The following SHISAL2B variants were observed in gnomAD, a reference collection of about 807,000 sequenced individuals.
SHISAL2B encodes the protein protein shisa-like-2B.
In SHISAL2B, 12 loss-of-function variants were observed where a neutral mutation model predicts 16.5. The ratio of observed to expected loss-of-function variants is 0.73; its 90% CI spans 0.47 to 1.18. SHISAL2B has a LOEUF of 1.18. SHISAL2B is among the 50% of genes most tolerant of loss of function. The pLI is 0.00. For missense variants in SHISAL2B, 183 were observed against 193.6 expected (o/e 0.95, Z 0.33); for synonymous variants, 72 against 75.0 (o/e 0.96, Z 0.21).
chr5:64,693,106 C>T (rs889119879), intron 1 of SHISAL2B, among the ~76,000 whole-genome samples: 3 of 151,834 alleles, frequency 2.0e-5, no homozygotes, highest in Non-Finnish European at 4.4e-5. Flanking sequence ...CTTCCGGGTT[C>T]ACGCCATTCT....
At chr5:64,697,717 A>G (rs1237767309) in intron 2 of SHISAL2B, among the ~76,000 whole-genome samples, 1 of 152,200 alleles carries the variant, frequency 6.6e-6, no homozygotes, top group Non-Finnish European at 1.5e-5. Flanking sequence ...ATTTAGAATG[A>G]CACACAAGTG....
At chr5:64,692,334 C>T (rs562186231) in intron 1 of SHISAL2B, among the ~76,000 whole-genome samples, 1 of 152,258 alleles carries the variant, frequency 6.6e-6, no homozygotes, top group East Asian at 1.9e-4. Flanking sequence ...ATAAAACCTT[C>T]CTAAGATGTA....
rs780650439 is a variant in SHISAL2B, at chr5:64,717,988, CAATG to C, written c.450_453del (p.Asp152GlnfsTer10). The C allele has an allele frequency of 1.3e-6, 2 of 1,520,448 alleles. No individual in the cohort carries two copies. The highest frequency in any genetic ancestry group is 1.7e-6 in the Non-Finnish European group (2 of 1,143,208). The allele number at this position is 1,520,448 out of a possible 1,614,324, so 94.2% of individuals were successfully genotyped here. On this transcript the variant is annotated frameshift_variant, in exon 3 of 3. Transcript: ENST00000389074. LOFTEE classifies it high-confidence loss of function. ...GCTGATGATATAATTCAAGAAAAAA[CAATG>C]GATGCAACACAAATCCACATTGCTT... is the stretch of plus-strand genomic sequence containing the variant.
At chr5:64,715,477 A>G (rs1233862098) in intron 2 of SHISAL2B, among the ~76,000 whole-genome samples, 1 of 152,054 alleles carries the variant, frequency 6.6e-6, no homozygotes, top group African/African-American at 2.4e-5. Context: ...AATTAGAGAC[A>G]CTAGGCAGCT....
chr5:64,710,312 G>C (rs1741940729), intron 2 of SHISAL2B, among the ~76,000 whole-genome samples: 1 of 107,892 alleles, frequency 9.3e-6, no homozygotes, highest in Non-Finnish European at 1.8e-5. Flanking sequence ...CCCATTGCTT[G>C]TTTTTCTCAG....
intron 2 of SHISAL2B, among the ~76,000 whole-genome samples, chr5:64,696,556 T>G (rs1741738863): frequency 6.6e-6 from 1 of 152,116 alleles, no homozygotes; most frequent in Non-Finnish European, 1.5e-5. Flanking sequence ...TATTAATAAT[T>G]AAGACCCTGG....
At position 64,697,047 on chromosome 5, in the gene SHISAL2B, C is replaced by T. The variant is rs557007807; in HGVS notation, c.349+1383C>T. Among the ~76,000 whole-genome samples the T allele has an allele frequency of 3.3e-5, 5 of 152,292 alleles. No individual in the cohort carries two copies. The South Asian group carries it at 6.2e-4, about 19-fold the overall frequency. ...ACCATCCTACTGATATGTGATGTCA[C>T]CCCTGGAGGCCCAGCTGTAAAATTC... On this transcript the variant is annotated intron_variant, in intron 2 of 2. Coordinates refer to ENST00000389074, the MANE Select transcript of SHISAL2B (RefSeq NM_001164442.2).
chr5:64,695,655 A>T lies in SHISAL2B; in HGVS notation c.340A>T (p.Thr114Ser). The T allele has an allele frequency of 6.5e-7, 1 of 1,527,490 alleles. No homozygotes were observed. The highest frequency in any genetic ancestry group is 1.2e-5 in the South Asian group (1 of 82,006). The allele number at this position is 1,527,490 out of a possible 1,614,324, so 94.6% of individuals were successfully genotyped here. A position where few individuals can be genotyped will look rare whatever the true frequency, so the allele number is the denominator to read the frequency against. ...GCTTCAACACTTAGAGGCTTCTTCC[A>T]CTCAAGAAGGTAATCAGTATCTATT... ...LKLQHLEASS[T>S]QEGKSNGKTK... is the part of the protein sequence containing the mutation. The change falls in exon 2 of 3, where the codon ACT becomes TCT. Residue 114 changes from threonine to serine, a missense_variant. Coordinates refer to ENST00000389074, the MANE Select transcript of SHISAL2B (RefSeq NM_001164442.2).
intron 2 of SHISAL2B, among the ~76,000 whole-genome samples, chr5:64,701,280 A>G (rs1384711002): frequency 6.6e-6 from 1 of 152,204 alleles, no homozygotes; most frequent in Admixed American, 6.5e-5. Flanking sequence ...GAGAGAAAGG[A>G]GCCTGTGTCT....
At chr5:64,703,564 T>A (rs715960) in intron 2 of SHISAL2B, among the ~76,000 whole-genome samples, 49,532 of 152,056 alleles carry the variant, frequency 0.33, 8,434 homozygotes, top group East Asian at 0.51. Flanking sequence ...TCAGTCATGT[T>A]CAAACCAATA....
chr5:64,701,706 A>G (rs1205380726), intron 2 of SHISAL2B, among the ~76,000 whole-genome samples: 2 of 152,226 alleles, frequency 1.3e-5, no homozygotes, highest in Non-Finnish European at 2.9e-5. Flanking sequence ...GGCAGATGAT[A>G]TAAATGAAAA....
chr5:64,700,172 C>T (rs1432252114), intron 2 of SHISAL2B, among the ~76,000 whole-genome samples: 1 of 152,138 alleles, frequency 6.6e-6, no homozygotes, highest in African/African-American at 2.4e-5. Context: ...GGTGAGGGCT[C>T]ATTCCACAGG....
intron 2 of SHISAL2B, among the ~76,000 whole-genome samples, chr5:64,712,833 T>G (rs540820508): frequency 0.042 from 6,400 of 150,714 alleles, 373 homozygotes; most frequent in African/African-American, 0.13. Context: ...TGGTTTGAAG[T>G]CTGTTTTATC....
Position 64,716,606 on chromosome 5 carries a change from A to C in SHISAL2B, c.350-1283A>C, listed in dbSNP as rs1477686157. On this transcript the variant is annotated intron_variant, in intron 2 of 2. Transcript: ENST00000389074. ...AATGTTTTGGGTAGGTCTTATTGAGAAGATGACTTTTGAGGAAGGACTTGG... is the reference window on the plus strand; with the variant it reads ...AATGTTTTGGGTAGGTCTTATTGAGCAGATGACTTTTGAGGAAGGACTTGG... Among the ~76,000 whole-genome samples the C allele has an allele frequency of 3.3e-5, 5 of 152,142 alleles. No homozygotes were observed. The East Asian group carries it at 9.6e-4, about 29-fold the overall frequency.
intron 1 of SHISAL2B, among the ~76,000 whole-genome samples, chr5:64,693,883 C>G (rs1224338504): frequency 6.6e-6 from 1 of 152,170 alleles, no homozygotes; most frequent in African/African-American, 2.4e-5. Context: ...GACAATAAAC[C>G]AAGCACAAGA....
At chr5:64,702,717 T>A (rs991708268) in intron 2 of SHISAL2B, among the ~76,000 whole-genome samples, 9 of 152,146 alleles carry the variant, frequency 5.9e-5, no homozygotes, top group African/African-American at 2.2e-4. Context: ...TTTCTTATAC[T>A]TAAATCTTTA....
chr5:64,714,201 T>G (rs1742001623), intron 2 of SHISAL2B, among the ~76,000 whole-genome samples: 1 of 144,662 alleles, frequency 6.9e-6, no homozygotes, highest in African/African-American at 2.7e-5. Flanking sequence ...ATGATGGTGA[T>G]GTACAGATGG....
chr5:64,717,839 T>C, intron 2 of SHISAL2B, 50 bp from the exon 3 acceptor site: 1 of 1,462,288 alleles, frequency 6.8e-7, no homozygotes, highest in Non-Finnish European at 9.0e-7. Flanking sequence ...TTTTTATAAG[T>C]GAAACGATGT....
chr5:64,704,026 T>G (rs554645492), intron 2 of SHISAL2B, among the ~76,000 whole-genome samples: 32 of 152,326 alleles, frequency 2.1e-4, no homozygotes, highest in African/African-American at 5.1e-4. Context: ...ATTGCTTGTT[T>G]CCACAAGAAG....
Sources: allele counts gnomAD v4.1 joint callset (sites outside exome capture counted in the v4.1 genomes callset), GRCh38; gene constraint gnomAD v4.1.1; transcripts MANE v1.5; gene names NCBI Gene and HGNC (gene_info 2026-07-23, HGNC 2026-07-21).